The following MARCHF6 variants were observed in gnomAD, a reference collection of about 807,000 sequenced individuals.
MARCHF6 encodes the protein membrane associated ring-CH-type finger 6.
A neutral mutation model predicts 133.7 loss-of-function variants in MARCHF6; 31 were observed. The ratio of observed to expected loss-of-function variants is 0.23; its 90% CI spans 0.17 to 0.31. The LOEUF is 0.31. Ranked by LOEUF, MARCHF6 falls within the 10% of genes least tolerant of loss-of-function variation. The pLI, the probability that MARCHF6 is intolerant of heterozygous loss-of-function variation, is 1.00. For synonymous variants in MARCHF6, 395 were observed against 402.5 expected (o/e 0.98, Z 0.22); for missense variants, 723 against 1,121.6 (o/e 0.64, Z 5.08).
At position 10,375,024 on chromosome 5, in the gene MARCHF6, C is replaced by T. The variant is rs867814932; in HGVS notation, c.20-2774C>T. 4.6e-5 allele frequency among the ~76,000 whole-genome samples: 7 copies of T among 152,378 alleles called. No individual in the cohort carries two copies. In the South Asian group the frequency reaches 6.2e-4, roughly 14 times the overall value. On this transcript the variant is annotated intron_variant, in intron 1 of 25. Coordinates refer to ENST00000274140, the MANE Select transcript of MARCHF6 (RefSeq NM_005885.4). ...AGTCCTCACAGCCCTCGCTTGCTCT[C>T]GGCGCCTCCTCTGCCTGGGCTCCCA...
intron 15 of MARCHF6, 46 bp downstream of exon 15, chr5:10,403,587 CT>C (rs1372640125): frequency 6.5e-7 from 1 of 1,548,446 alleles, no homozygotes; most frequent in African/African-American, 1.4e-5. Context: ...ATAAAAAGGA[CT>C]TTTGCTTTCA....
intron 25 of MARCHF6, among the ~76,000 whole-genome samples, chr5:10,430,408 C>T (rs1054783425): frequency 6.7e-6 from 1 of 150,182 alleles, no homozygotes; most frequent in East Asian, 2.0e-4. Context: ...CAGGTTCAAG[C>T]GATTCTCCTG....
chr5:10,386,997 G>T lies in MARCHF6; in HGVS notation c.338G>T (p.Arg113Leu). The T allele has an allele frequency of 1.2e-6, 2 of 1,612,452 alleles. No homozygotes were observed. Among genetic ancestry groups the T allele is most frequent in the Non-Finnish European group, 1.7e-6 (2 of 1,178,664 alleles). ...WLGVVPLTAC[R>L]IYKCLFTGSV... is the part of the protein sequence containing the mutation. ...CCATCATGCTCTTTTTCGGTAGGCCGCATCTACAAGTGCTTGTTTACTGGC... is the reference window on the plus strand; with the variant it reads ...CCATCATGCTCTTTTTCGGTAGGCCTCATCTACAAGTGCTTGTTTACTGGC... Residue 113 changes from arginine to leucine, a missense_variant, in exon 5 of 26, where the codon CGC becomes CTC. This residue lies in a region of MARCHF6 where 91 missense variants were observed against 208.8 expected (regional missense o/e 0.44). Coordinates refer to ENST00000274140, the MANE Select transcript of MARCHF6 (RefSeq NM_005885.4).
chr5:10,424,781 A>G (rs1739997719), intron 23 of MARCHF6, among the ~76,000 whole-genome samples: 1 of 152,216 alleles, frequency 6.6e-6, no homozygotes, highest in African/African-American at 2.4e-5. Context: ...TTACAAAAGG[A>G]GAGCTGTTTT....
chr5:10,424,511 A>G (rs757346474), intron 23 of MARCHF6, among the ~76,000 whole-genome samples: 1 of 152,242 alleles, frequency 6.6e-6, no homozygotes, highest in Non-Finnish European at 1.5e-5. Context: ...CCTTATGCCT[A>G]AGAGGCATAT....
Position 10,390,455 on chromosome 5 carries a change from G to C in MARCHF6, c.531G>C (p.Glu177Asp). 1 of 1,614,064 alleles carries C rather than the reference G, an allele frequency of 6.2e-7. No homozygotes were observed. Among genetic ancestry groups the C allele is most frequent in the Non-Finnish European group, 8.5e-7 (1 of 1,180,014 alleles). ...IVHGGAPIWL[E>D]HAAPPFNAAG... is the part of the protein sequence containing the mutation. Reference sequence around the variant, plus strand: ...ATGGGGGAGCACCAATTTGGTTGGAGCATGCTGCCCCACCGTTCAATGCTG... The same window carrying C: ...ATGGGGGAGCACCAATTTGGTTGGACCATGCTGCCCCACCGTTCAATGCTG... Residue 177 changes from glutamate to aspartate, a missense_variant, in exon 6 of 26, where the codon GAG becomes GAC. Around this residue, in one of 4 missense-constraint regions of MARCHF6, gnomAD observed 97 missense variants for 115.4 expected, o/e 0.84. Coordinates refer to ENST00000274140, the MANE Select transcript of MARCHF6 (RefSeq NM_005885.4).
intron 9 of MARCHF6, among the ~76,000 whole-genome samples, chr5:10,395,020 C>G (rs1410850215): frequency 6.6e-6 from 1 of 152,014 alleles, no homozygotes; most frequent in East Asian, 1.9e-4. Context: ...AGGATGGTCT[C>G]GATCTCCTGA....
chr5:10,378,918 A>T (rs1736952290), intron 3 of MARCHF6, 86 bp downstream of exon 3: 1 of 825,442 alleles, frequency 1.2e-6, no homozygotes. Context: ...TGACAGAGGA[A>T]GGGGGATAAA....
At position 10,434,486 on chromosome 5, in the gene MARCHF6, C is replaced by T. The variant is rs1418947378; in HGVS notation, c.*802C>T. The T allele has an allele frequency of 1.4e-5, 2 of 146,438 alleles. No individual in the cohort carries two copies. The highest frequency in any genetic ancestry group is 3.0e-5 in the Non-Finnish European group (2 of 66,760). The allele number at this position is 146,438 out of a possible 1,614,324, so 9.1% of individuals were successfully genotyped here. ...GATTTTCATGAGTCAGCCCCCCCGC[C>T]CGCCCCCACCCCACACCCACATCCT... On this transcript the variant is annotated 3_prime_UTR_variant, in exon 26 of 26. Transcript: ENST00000274140.
At chr5:10,406,444 C>T (rs562415748) in intron 16 of MARCHF6, among the ~76,000 whole-genome samples, 23 of 149,582 alleles carry the variant, frequency 1.5e-4, no homozygotes, top group South Asian at 1.3e-3. Flanking sequence ...TGTTAGAGTG[C>T]GGTGGTATGA....
At chr5:10,425,711 A>T (rs554758003) in intron 23 of MARCHF6, among the ~76,000 whole-genome samples, 1 of 152,332 alleles carries the variant, frequency 6.6e-6, no homozygotes, top group South Asian at 2.1e-4. Context: ...AGGAGAAGAA[A>T]ATAACAGCCT....
rs1737167542 is a variant in MARCHF6 at position 10,381,789 on chromosome 5, T to C, written c.191-11T>C. The C allele has an allele frequency of 1.3e-6, 2 of 1,570,234 alleles. No individual in the cohort carries two copies. Among genetic ancestry groups the C allele is most frequent in the Admixed American group, 2.1e-5 (1 of 48,746 alleles). ...TTCATGAAACTGTAAGTACTTTTTT[T>C]CCGCTTATAGTTTATTCTCCAGATA... On this transcript the variant is annotated splice_polypyrimidine_tract_variant and intron_variant, in intron 3 of 25. Coordinates refer to ENST00000274140, the MANE Select transcript of MARCHF6 (RefSeq NM_005885.4).
chr5:10,425,227 G>T (rs1740020953), intron 23 of MARCHF6, among the ~76,000 whole-genome samples: 1 of 152,212 alleles, frequency 6.6e-6, no homozygotes, highest in African/African-American at 2.4e-5. Context: ...CAGTGTGTTT[G>T]TGTGTGTCTC....
Position 10,410,262 on chromosome 5 carries a change from C to A in MARCHF6, c.1677C>A (p.Thr559=). Residue 559 remains threonine, a synonymous_variant, in exon 18 of 26, where the codon ACC becomes ACA. Transcript: ENST00000274140. The stretch of plus-strand genomic sequence containing the variant: ...GGCTGGTGCGAGCGTGGACTGTGAC[C>A]GCCGGATACTTGCTGTGAGTATGGG... ...LKGLVRAWTV[T]AGYLLDLHSY... is the part of the protein sequence containing the mutation. The A allele has an allele frequency of 6.2e-7, 1 of 1,612,804 alleles. No homozygotes were observed. The highest frequency in any genetic ancestry group is 8.5e-7 in the Non-Finnish European group (1 of 1,179,922).
intron 16 of MARCHF6, among the ~76,000 whole-genome samples, chr5:10,406,084 G>A (rs1417028071): frequency 2.0e-5 from 3 of 152,096 alleles, no homozygotes; most frequent in African/African-American, 7.2e-5. Context: ...AACCCTATTG[G>A]GAACTGCGAG....
At chr5:10,429,169 G>A (rs184493145) in intron 24 of MARCHF6, among the ~76,000 whole-genome samples, 36 of 152,232 alleles carry the variant, frequency 2.4e-4, no homozygotes, top group Middle Eastern at 3.4e-3. Context: ...TGAATTCCTC[G>A]AAAGTACTTG....
rs1331981403 is a variant in MARCHF6 at position 10,353,909 on chromosome 5, C to T, written c.11C>T (p.Ala4Val). The change falls in exon 1 of 26, where the codon GCG becomes GTG. Residue 4 changes from alanine (A) to valine (V), a missense_variant. Coordinates refer to ENST00000274140, the MANE Select transcript of MARCHF6 (RefSeq NM_005885.4). MDT[A>V]EEDICRVCRS... ...GCCCCCCCAGACAAGATGGACACCG[C>T]GGAGGAAGGTAAGTCGGCGACGCGC... 2.6e-6 allele frequency: 4 copies of T among 1,563,274 alleles called. No homozygotes were observed. The highest frequency in any genetic ancestry group is 1.2e-5 in the South Asian group (1 of 85,804).
intron 1 of MARCHF6, among the ~76,000 whole-genome samples, chr5:10,355,100 C>T (rs376128744): frequency 2.0e-5 from 3 of 152,122 alleles, no homozygotes; most frequent in Admixed American, 1.3e-4. Context: ...AATAGCTTGT[C>T]GAAGCTTTAC....
chr5:10,427,287 C>T (rs548608989), intron 24 of MARCHF6, among the ~76,000 whole-genome samples: 2 of 152,354 alleles, frequency 1.3e-5, no homozygotes, highest in East Asian at 1.9e-4. Context: ...AGCCTTGAAC[C>T]TGCCATCACT....
Sources: gnomAD v4.1 joint callset for allele counts (sites outside exome capture counted in the v4.1 genomes callset) on GRCh38, gnomAD v4.1.1 for gene constraint, gnomAD v4.1.1 regional missense constraint, MANE v1.5 for transcripts, NCBI Gene and HGNC (gene_info 2026-07-23, HGNC 2026-07-21) for gene names.